The following SLC9A9 variants were observed in gnomAD, a reference collection of about 807,000 sequenced individuals.
SLC9A9 encodes sodium/hydrogen exchanger 9.
In SLC9A9, 62 loss-of-function variants were observed where a neutral mutation model predicts 77.8. The ratio of observed to expected loss-of-function variants is 0.80; its 90% confidence interval spans 0.65 to 0.98. SLC9A9 has a LOEUF of 0.98. Ranked by LOEUF, SLC9A9 falls within the 50% of genes least tolerant of loss-of-function variation. The probability of loss-of-function intolerance (pLI) is 0.00; values close to 1 mark genes in which losing one functional copy is unlikely to be tolerated. For missense variants in SLC9A9, 775 were observed against 774.9 expected, an observed-to-expected ratio of 1.00 and a Z score of 0.00; for synonymous variants, 320 against 283.5, an observed-to-expected ratio of 1.13 and a Z score of -1.29.
intron 14 of SLC9A9, among the ~76,000 whole-genome samples, chr3:143,326,069 C>T (rs1419983650): frequency 6.6e-6 from 1 of 152,048 alleles, no homozygotes; most frequent in Non-Finnish European, 1.5e-5. Flanking sequence ...GTAAAAACCT[C>T]AATAAAAAGT....
chr3:143,391,039 AC>A (rs1395714740), intron 12 of SLC9A9, among the ~76,000 whole-genome samples: 1 of 152,254 alleles, frequency 6.6e-6, no homozygotes, highest in African/African-American at 2.4e-5. Context: ...GCATAGCCAA[AC>A]AAAAGGCAGC....
chr3:143,369,105 AC>A (rs1282613801), intron 13 of SLC9A9, among the ~76,000 whole-genome samples: 1 of 152,294 alleles, frequency 6.6e-6, no homozygotes, highest in African/African-American at 2.4e-5. Flanking sequence ...CAGATAGACT[AC>A]CAGATGGGCT....
chr3:143,806,702 G>T (rs1452361292), intron 2 of SLC9A9, among the ~76,000 whole-genome samples: 1 of 150,022 alleles, frequency 6.7e-6, no homozygotes, highest in Non-Finnish European at 1.5e-5. Context: ...GTAGAATGAT[G>T]GTTACCAGAG....
At chr3:143,350,058 G>A (rs1305296437) in intron 14 of SLC9A9, among the ~76,000 whole-genome samples, 2 of 152,226 alleles carry the variant, frequency 1.3e-5, no homozygotes, top group Middle Eastern at 3.4e-3. Flanking sequence ...CACACATATT[G>A]TCTCCCCACA....
chr3:143,601,500 G>T (rs1385947740), intron 6 of SLC9A9, among the ~76,000 whole-genome samples: 2 of 152,148 alleles, frequency 1.3e-5, no homozygotes, highest in Non-Finnish European at 2.9e-5. Flanking sequence ...AACAGTCAAT[G>T]GGGGAGCCAG....
intron 5 of SLC9A9, among the ~76,000 whole-genome samples, chr3:143,675,045 A>G (rs2039216652): frequency 6.6e-6 from 1 of 152,138 alleles, no homozygotes; most frequent in South Asian, 2.1e-4. Context: ...AGAACCCCCT[A>G]ATTAGTACTT....
At chr3:143,775,582 A>G (rs1376650620) in intron 4 of SLC9A9, among the ~76,000 whole-genome samples, 1 of 152,222 alleles carries the variant, frequency 6.6e-6, no homozygotes, top group East Asian at 1.9e-4. Context: ...ATCAAAGCCA[A>G]TGGCTGCTGA....
At chr3:143,809,656 G>A (rs1318653406) in intron 2 of SLC9A9, among the ~76,000 whole-genome samples, 1 of 152,174 alleles carries the variant, frequency 6.6e-6, no homozygotes, top group Non-Finnish European at 1.5e-5. Flanking sequence ...GCGAGGGATG[G>A]GTGAGAAGAG....
intron 6 of SLC9A9, among the ~76,000 whole-genome samples, chr3:143,631,563 T>G (rs143524667): frequency 4.7e-4 from 71 of 152,276 alleles, no homozygotes; most frequent in African/African-American, 1.7e-3. Context: ...GATAGAGACA[T>G]GAGCACAAAA....
At chr3:143,441,640 C>A (rs1023027398) in intron 12 of SLC9A9, among the ~76,000 whole-genome samples, 21 of 151,554 alleles carry the variant, frequency 1.4e-4, no homozygotes, top group African/African-American at 5.1e-4. Context: ...AGAAAAAAAC[C>A]TTGTTATCTT....
intron 5 of SLC9A9, among the ~76,000 whole-genome samples, chr3:143,678,034 G>A (rs185208336): frequency 2.1e-3 from 315 of 152,128 alleles, no homozygotes; most frequent in Non-Finnish European, 3.4e-3. Flanking sequence ...CACCGTGTTA[G>A]CCAGGATGGT....
At chr3:143,838,885 A>AT (rs2009638836) in intron 1 of SLC9A9, among the ~76,000 whole-genome samples, 1 of 152,232 alleles carries the variant, frequency 6.6e-6, no homozygotes, top group Non-Finnish European at 1.5e-5. Flanking sequence ...CAAAGATCAG[A>AT]TTTTAACTGC....
At chr3:143,568,388 G>C (rs988175437) in intron 8 of SLC9A9, among the ~76,000 whole-genome samples, 2 of 152,254 alleles carry the variant, frequency 1.3e-5, no homozygotes, top group Middle Eastern at 3.4e-3. Flanking sequence ...ATTACCAGTG[G>C]AAGTGAGAAT....
chr3:143,445,458 A>G (rs1322002154), intron 12 of SLC9A9, among the ~76,000 whole-genome samples: 1 of 152,134 alleles, frequency 6.6e-6, no homozygotes, highest in Non-Finnish European at 1.5e-5. Context: ...GCTCTTGGAA[A>G]CTTTGGGAGT....
chr3:143,748,800 T>C lies in SLC9A9; in HGVS notation c.533+46201A>G, dbSNP rs1935264788. ...CTCACTGCAAGCTCCGCTTCCTGGGTTCACGCCATTCTCCTGCCTCAGCCT... is the reference window on the plus strand; with the variant it reads ...CTCACTGCAAGCTCCGCTTCCTGGGCTCACGCCATTCTCCTGCCTCAGCCT... On this transcript the variant is annotated intron_variant, in intron 4 of 15. Transcript: ENST00000316549. Among the ~76,000 whole-genome samples the C allele has an allele frequency of 2.0e-5, 3 of 150,014 alleles. No homozygotes were observed. The East Asian group carries it at 5.9e-4, about 30-fold the overall frequency.
At chr3:143,847,129 T>C (rs2009847395) in intron 1 of SLC9A9, among the ~76,000 whole-genome samples, 2 of 152,204 alleles carry the variant, frequency 1.3e-5, no homozygotes, top group African/African-American at 2.4e-5. Flanking sequence ...GCATATACAA[T>C]GTGCATTGAT....
At chr3:143,730,800 G>A (rs188201531) in intron 4 of SLC9A9, among the ~76,000 whole-genome samples, 1 of 151,906 alleles carries the variant, frequency 6.6e-6, no homozygotes, top group Non-Finnish European at 1.5e-5. Context: ...GGTGAACAGG[G>A]AGAATATAAA....
At chr3:143,316,725 G>A (rs1017987754) in intron 14 of SLC9A9, among the ~76,000 whole-genome samples, 1 of 152,184 alleles carries the variant, frequency 6.6e-6, no homozygotes, top group African/African-American at 2.4e-5. Flanking sequence ...AACTAGGCCT[G>A]CTGGGAATCA....
At chr3:143,650,789 G>T (rs1270308702) in intron 6 of SLC9A9, among the ~76,000 whole-genome samples, 2 of 152,272 alleles carry the variant, frequency 1.3e-5, no homozygotes, top group East Asian at 3.9e-4. Flanking sequence ...TGGGTAGAGA[G>T]GTAGGAGAGG....
Sources: allele counts gnomAD v4.1 joint callset (sites outside exome capture counted in the v4.1 genomes callset), GRCh38; gene constraint gnomAD v4.1.1; transcripts MANE v1.5; gene names NCBI Gene and HGNC (gene_info 2026-07-23, HGNC 2026-07-21).